Variants in ADAMTSL1 observed in about 807,000 individuals in gnomAD.
ADAMTSL1 encodes ADAMTS-like protein 1.
Under a neutral mutation model 201.8 loss-of-function variants are expected in ADAMTSL1, and 126 were observed. The observed-to-expected ratio is 0.62, with a 90% CI of 0.54 to 0.72. The LOEUF is 0.72. Among genes scored for constraint, ADAMTSL1 ranks in the 30% least tolerant of loss-of-function variants. ADAMTSL1 has a pLI of 0.00. For synonymous variants in ADAMTSL1, 1,121 were observed against 903.4 expected, an observed-to-expected ratio of 1.24 and a Z score of -4.32; for missense variants, 2,679 against 2,277.8, an observed-to-expected ratio of 1.18 and a Z score of -3.59.
intron 2 of ADAMTSL1, among the ~76,000 whole-genome samples, chr9:18,314,727 T>G (rs1462890401): frequency 6.8e-6 from 1 of 147,660 alleles, no homozygotes; most frequent in African/African-American, 2.5e-5. Flanking sequence ...GAACAAAGCT[T>G]CCACAGCGTG....
At chr9:18,025,936 T>C (rs1820674024) in intron 1 of ADAMTSL1, among the ~76,000 whole-genome samples, 2 of 152,116 alleles carry the variant, frequency 1.3e-5, no homozygotes, top group African/African-American at 2.4e-5. Context: ...CTTTCAGCAG[T>C]GTTTGTAATT....
chr9:17,966,039 T>G (rs910917050), intron 1 of ADAMTSL1, among the ~76,000 whole-genome samples: 2 of 152,160 alleles, frequency 1.3e-5, no homozygotes, highest in Non-Finnish European at 2.9e-5. Context: ...TGAGTACCAG[T>G]GCAGTGGAAT....
chr9:17,929,908 G>A (rs1261122927), intron 1 of ADAMTSL1, among the ~76,000 whole-genome samples: 3 of 151,956 alleles, frequency 2.0e-5, no homozygotes, highest in Non-Finnish European at 4.4e-5. Flanking sequence ...ATGAGGCCAG[G>A]GATGGACTCA....
chr9:18,309,224 A>G (rs973606411), intron 2 of ADAMTSL1, among the ~76,000 whole-genome samples: 4 of 152,210 alleles, frequency 2.6e-5, no homozygotes, highest in African/African-American at 9.6e-5. Flanking sequence ...ACCCACAGCC[A>G]ATATCTTACT....
chr9:18,609,401 C>T (rs1825238102), intron 4 of ADAMTSL1, among the ~76,000 whole-genome samples: 1 of 136,060 alleles, frequency 7.3e-6, no homozygotes, highest in Admixed American at 7.2e-5. Flanking sequence ...TGCTGGTATT[C>T]CATTGGCTAC....
intron 1 of ADAMTSL1, among the ~76,000 whole-genome samples, chr9:17,936,211 C>T (rs1827003309): frequency 1.3e-5 from 2 of 152,128 alleles, no homozygotes; most frequent in South Asian, 4.1e-4. Context: ...TGCCTTATGT[C>T]ATTTTACAGA....
intron 13 of ADAMTSL1, among the ~76,000 whole-genome samples, chr9:18,692,718 G>A (rs1300646172): frequency 6.6e-6 from 1 of 152,140 alleles, no homozygotes; most frequent in African/African-American, 2.4e-5. Flanking sequence ...AAAGTATTGA[G>A]TTTCCAATAT....
At chr9:18,656,037 C>T (rs921019087) in intron 7 of ADAMTSL1, among the ~76,000 whole-genome samples, 2 of 151,926 alleles carry the variant, frequency 1.3e-5, no homozygotes, top group Admixed American at 6.6e-5. Context: ...TACGTAAATG[C>T]TCTACAGGTC....
chr9:18,613,741 G>A (rs942598414), intron 4 of ADAMTSL1, among the ~76,000 whole-genome samples: 43 of 152,120 alleles, frequency 2.8e-4, no homozygotes, highest in Non-Finnish European at 5.6e-4. Flanking sequence ...AGGGTGAAGG[G>A]TGAGAGGAGG....
At chr9:18,477,139 C>T (rs1295256016) in intron 1 of ADAMTSL1, among the ~76,000 whole-genome samples, 4 of 152,158 alleles carry the variant, frequency 2.6e-5, no homozygotes, top group Admixed American at 2.0e-4. Context: ...ATTCTCTCTC[C>T]TTTGTCCCAA....
chr9:18,428,434 C>CA (rs368935296), intron 2 of ADAMTSL1, among the ~76,000 whole-genome samples: 103,084 of 119,678 alleles, frequency 0.86, 44,360 homozygotes, highest in Non-Finnish European at 0.93. Flanking sequence ...CCTATGTCTA[C>CA]AAAAAAAAAA....
intron 2 of ADAMTSL1, among the ~76,000 whole-genome samples, chr9:18,186,422 G>C (rs1828736422): frequency 6.6e-6 from 1 of 151,966 alleles, no homozygotes; most frequent in Non-Finnish European, 1.5e-5. Flanking sequence ...GTAAATGCTG[G>C]CAATGTCCTT....
At chr9:17,945,884 T>G (rs1827448331) in intron 1 of ADAMTSL1, among the ~76,000 whole-genome samples, 1 of 150,594 alleles carries the variant, frequency 6.6e-6, no homozygotes, top group African/African-American at 2.4e-5. Flanking sequence ...AGTTAATGGG[T>G]GCAGCACACC....
intron 19 of ADAMTSL1, among the ~76,000 whole-genome samples, chr9:18,789,778 C>G (rs1230775918): frequency 6.6e-6 from 1 of 152,070 alleles, no homozygotes; most frequent in Admixed American, 6.5e-5. Flanking sequence ...TCTTTAGCCC[C>G]AAGCTAATGA....
chr9:18,190,227 C>G (rs1253197876), intron 2 of ADAMTSL1, among the ~76,000 whole-genome samples: 2 of 152,166 alleles, frequency 1.3e-5, no homozygotes, highest in East Asian at 3.9e-4. Context: ...ATTCCAGCAA[C>G]TAAGAAGACA....
In ADAMTSL1 at chr9:18,210,474, GAT is replaced by G. The variant is rs1829825495; in HGVS notation, c.207+46499_207+46500del. On this transcript the variant is annotated intron_variant, in intron 2 of 29. Coordinates refer to the ADAMTSL1 transcript ENST00000680146. ...TAATAAATATATATTAATTATATAT[GAT>G]ATATAAATAAATATATATTAATTAT... Among the ~76,000 whole-genome samples, 3 of 144,234 alleles carry G rather than the reference GAT, an allele frequency of 2.1e-5. No individual in the cohort carries two copies. The Admixed American group carries it at 2.1e-4, about 10-fold the overall frequency. The allele number at this position is 144,234 out of a possible 152,430, so 94.6% of individuals were successfully genotyped here.
chr9:18,320,645 A>T (rs1834580555), intron 2 of ADAMTSL1, among the ~76,000 whole-genome samples: 1 of 152,202 alleles, frequency 6.6e-6, no homozygotes, highest in Non-Finnish European at 1.5e-5. Context: ...TTTTAATGCA[A>T]AATTCCAACA....
intron 2 of ADAMTSL1, among the ~76,000 whole-genome samples, chr9:18,269,269 G>T (rs1563847290): frequency 6.6e-6 from 1 of 152,084 alleles, no homozygotes; most frequent in African/African-American, 2.4e-5. Context: ...TGAAGGAAGA[G>T]GTTAATTTAC....
intron 19 of ADAMTSL1, among the ~76,000 whole-genome samples, chr9:18,787,489 G>A (rs144289936): frequency 7.9e-5 from 12 of 152,136 alleles, no homozygotes; most frequent in African/African-American, 2.4e-4. Flanking sequence ...CTGGAAGAGT[G>A]GTCCTAGCAC....
Sources: allele counts gnomAD v4.1 joint callset (sites outside exome capture counted in the v4.1 genomes callset), GRCh38; gene constraint gnomAD v4.1.1; transcripts MANE v1.5; gene names NCBI Gene and HGNC (gene_info 2026-07-23, HGNC 2026-07-21).